CALCR: variants seen among roughly 807,000 people sequenced by gnomAD.
The protein encoded by CALCR is calcitonin receptor.
Under a neutral mutation model 59.5 loss-of-function variants are expected in CALCR, and 47 were observed. That is an observed-to-expected ratio of 0.79 (90% confidence interval 0.63 to 1.01). The LOEUF (loss-of-function observed/expected upper bound fraction) is 1.01, where lower values mean the gene tolerates loss of function less well. CALCR is among the 50% of genes least tolerant of loss of function. CALCR has a pLI of 0.00. For missense variants in CALCR, 566 were observed against 597.1 expected (o/e 0.95, Z 0.54); for synonymous variants, 213 against 211.3 (o/e 1.01, Z -0.07).
At chr7:93,444,904 T>A (rs1484786697) in intron 8 of CALCR, among the ~76,000 whole-genome samples, 1 of 152,146 alleles carries the variant, frequency 6.6e-6, no homozygotes, top group African/African-American at 2.4e-5. Flanking sequence ...GAAGTGACTT[T>A]CAGTACTGTA....
At chr7:93,533,836 A>G (rs754979851) in intron 2 of CALCR, among the ~76,000 whole-genome samples, 14 of 151,818 alleles carry the variant, frequency 9.2e-5, no homozygotes, top group Non-Finnish European at 2.9e-5. Context: ...TCTGCTATAA[A>G]TGTTATTTCT....
intron 2 of CALCR, among the ~76,000 whole-genome samples, chr7:93,535,461 A>G (rs1245420246): frequency 6.6e-6 from 1 of 151,718 alleles, no homozygotes; most frequent in Non-Finnish European, 1.5e-5. Flanking sequence ...CACACCTTTC[A>G]CGAGTAAGTA....
At chr7:93,468,676 A>C in intron 7 of CALCR, 39 bp downstream of exon 7, 3 of 1,391,254 alleles carry the variant, frequency 2.2e-6, no homozygotes, top group Non-Finnish European at 3.1e-6. Flanking sequence ...CAGTAACTTA[A>C]AGGAGGAAAT....
At position 93,538,853 on chromosome 7, in the gene CALCR, G is replaced by C. The variant is rs141326311; in HGVS notation, c.-27+35436C>G. On this transcript the variant is annotated intron_variant, in intron 2 of 13. Transcript: ENST00000426151. ...AGTGGATTCCTGAGACCAATCCCCT[G>C]AGATATGAGTTGAATACAACTGAGG... 1.6e-3 allele frequency among the ~76,000 whole-genome samples: 246 copies of C among 152,204 alleles called. 1 individual carries two copies. The highest frequency in any genetic ancestry group is 5.7e-3 in the African/African-American group (236 of 41,556).
chr7:93,536,390 A>G (rs59018953), intron 2 of CALCR, among the ~76,000 whole-genome samples: 10,153 of 151,838 alleles, frequency 0.067, 1,130 homozygotes, highest in African/African-American at 0.23. Flanking sequence ...AACGTGTCCT[A>G]TTGACTAATT....
chr7:93,431,498 G>A (rs1041882140), intron 13 of CALCR, among the ~76,000 whole-genome samples: 2 of 152,168 alleles, frequency 1.3e-5, no homozygotes, highest in African/African-American at 2.4e-5. Context: ...TCATCAAGGA[G>A]GCCACAGGTG....
At chr7:93,472,554 T>A in intron 5 of CALCR, 67 bp from the exon 6 acceptor site, 1 of 954,612 alleles carries the variant, frequency 1.0e-6, no homozygotes, top group Non-Finnish European at 1.7e-6. Context: ...AATAATAAAT[T>A]AAAGCTTAAA....
At position 93,516,319 on chromosome 7, in the gene CALCR, T is replaced by G. The variant is rs192062743; in HGVS notation, c.-26-29312A>C. Among the ~76,000 whole-genome samples, 103 of 152,076 alleles carry G rather than the reference T, an allele frequency of 6.8e-4. 1 individual carries two copies. Among genetic ancestry groups the G allele is most frequent in the East Asian group, 7.7e-4 (4 of 5,182 alleles). ...TGTTTCTTTAGGCTAAGTTATTTCA[T>G]AAAGCTTCAAAATTTTGTGTCACAT... On this transcript the variant is annotated intron_variant, in intron 2 of 13. Transcript: ENST00000426151.
chr7:93,522,071 T>A (rs528551492), intron 2 of CALCR, among the ~76,000 whole-genome samples: 1 of 152,240 alleles, frequency 6.6e-6, no homozygotes, highest in South Asian at 2.1e-4. Flanking sequence ...AATGAAACAA[T>A]TTGTGTATGT....
At chr7:93,456,645 T>C (rs1457038378) in intron 8 of CALCR, among the ~76,000 whole-genome samples, 2 of 152,130 alleles carry the variant, frequency 1.3e-5, no homozygotes, top group African/African-American at 2.4e-5. Flanking sequence ...ACTTGATTGA[T>C]GGGATAAAAT....
intron 3 of CALCR, among the ~76,000 whole-genome samples, chr7:93,483,756 T>C (rs1281418079): frequency 6.6e-6 from 1 of 151,756 alleles, no homozygotes; most frequent in Non-Finnish European, 1.5e-5. Context: ...GTTATGTCTA[T>C]ACTACTTATT....
chr7:93,426,105 G>C lies in CALCR; in HGVS notation c.*251C>G, dbSNP rs1156871222. On this transcript the variant is annotated 3_prime_UTR_variant, in exon 14 of 14. Coordinates refer to ENST00000426151, the MANE Select transcript of CALCR (RefSeq NM_001742.4). ...TTTGATACTTTGCTTGCATTACTGT[G>C]ACATTTGCATCTCAGTCCTGGATGA... 2.5e-6 allele frequency: 1 copy of C among 404,166 alleles called. No individual in the cohort carries two copies. The highest frequency in any genetic ancestry group is 4.4e-6 in the Non-Finnish European group (1 of 228,930). 25.0% of individuals were successfully genotyped at this position (404,166 alleles called of 1,614,324 possible).
intron 8 of CALCR, among the ~76,000 whole-genome samples, chr7:93,449,237 T>G (rs1056517490): frequency 4.6e-5 from 7 of 152,004 alleles, no homozygotes; most frequent in African/African-American, 1.7e-4. Flanking sequence ...ATCAGTTTGC[T>G]TTAGCACAGA....
chr7:93,472,328 A>G, intron 6 of CALCR, 47 bp downstream of exon 6: 1 of 1,116,688 alleles, frequency 9.0e-7, no homozygotes, highest in Non-Finnish European at 1.3e-6. Context: ...TTCCTTGTAC[A>G]AATAATGACA....
At chr7:93,477,797 G>A in intron 4 of CALCR, 129 bp from the exon 5 acceptor site, 1 of 594,686 alleles carries the variant, frequency 1.7e-6, no homozygotes, top group South Asian at 2.0e-5. Context: ...TTTCAAACAA[G>A]CCAAGTCATT....
At chr7:93,509,603 C>A (rs998849029) in intron 2 of CALCR, among the ~76,000 whole-genome samples, 3 of 152,072 alleles carry the variant, frequency 2.0e-5, no homozygotes, top group Admixed American at 6.6e-5. Context: ...TTGGCCAAAG[C>A]AACATTTGGA....
At chr7:93,475,072 T>TA (rs1192383155) in intron 5 of CALCR, among the ~76,000 whole-genome samples, 1 of 151,718 alleles carries the variant, frequency 6.6e-6, no homozygotes, top group Non-Finnish European at 1.5e-5. Context: ...TAAGAGCTAG[T>TA]AAAAAAATCC....
chr7:93,547,074 G>C (rs1451868991), intron 2 of CALCR, among the ~76,000 whole-genome samples: 2 of 152,108 alleles, frequency 1.3e-5, no homozygotes, highest in Non-Finnish European at 2.9e-5. Context: ...CCTGACTCTA[G>C]CAAATGCCAA....
At chr7:93,430,718 C>T (rs78608299) in intron 13 of CALCR, among the ~76,000 whole-genome samples, 9,204 of 152,196 alleles carry the variant, frequency 0.06, 404 homozygotes, top group Admixed American at 0.14. Context: ...GCATCAGTAT[C>T]ACCTGGGAAC....
Sources: gnomAD v4.1 joint callset for allele counts (sites outside exome capture counted in the v4.1 genomes callset) on GRCh38, gnomAD v4.1.1 for gene constraint, MANE v1.5 for transcripts, NCBI Gene and HGNC (gene_info 2026-07-23, HGNC 2026-07-21) for gene names.